The following WDPCP variants were observed in gnomAD, a reference collection of about 807,000 sequenced individuals.
The protein encoded by WDPCP is WD repeat containing planar cell polarity effector.
WDPCP carries 71 observed loss-of-function variants against 93.1 expected under a neutral mutation model. The ratio of observed to expected loss-of-function variants is 0.76; its 90% CI spans 0.63 to 0.93. WDPCP has a LOEUF of 0.93. WDPCP is among the 40% of genes least tolerant of loss of function. The pLI is 0.00. For synonymous variants in WDPCP, 315 were observed against 315.0 expected, an observed-to-expected ratio of 1.00 and a Z score of 0.00; for missense variants, 844 against 887.4, an observed-to-expected ratio of 0.95 and a Z score of 0.62.
intron 15 of WDPCP, among the ~76,000 whole-genome samples, chr2:63,156,927 G>A (rs1209756920): frequency 6.6e-6 from 1 of 151,846 alleles, no homozygotes; most frequent in Non-Finnish European, 1.5e-5. Context: ...CCAATCTTAG[G>A]AGGAGAACAT....
At chr2:63,594,010 C>T (rs1709254338) in intron 3 of WDPCP, among the ~76,000 whole-genome samples, 1 of 152,168 alleles carries the variant, frequency 6.6e-6, no homozygotes, top group Admixed American at 6.5e-5. Context: ...TTTTCCTCCT[C>T]CAGACAAAGT....
chr2:63,369,092 GA>G (rs952103590), intron 12 of WDPCP: 1,356 of 184,230 alleles, frequency 7.4e-3, no homozygotes, highest in South Asian at 0.015. Context: ...CTACATAGTA[GA>G]AAAAAAAAAA....
chr2:63,326,046 A>G (rs993190004), intron 12 of WDPCP, among the ~76,000 whole-genome samples: 8 of 152,248 alleles, frequency 5.3e-5, no homozygotes, highest in African/African-American at 1.9e-4. Context: ...AGAGGCTATC[A>G]AAATAATACA....
At chr2:63,397,046 AG>A (rs1411443053) in intron 10 of WDPCP, among the ~76,000 whole-genome samples, 1 of 152,206 alleles carries the variant, frequency 6.6e-6, no homozygotes, top group Non-Finnish European at 1.5e-5. Flanking sequence ...AAGGATCACT[AG>A]GATAGCACTC....
At chr2:63,235,662 G>A (rs533286123) in intron 14 of WDPCP, among the ~76,000 whole-genome samples, 1 of 151,912 alleles carries the variant, frequency 6.6e-6, no homozygotes, top group Admixed American at 6.6e-5. Context: ...GATCAAGCAG[G>A]CTTTATTTCT....
intron 15 of WDPCP, among the ~76,000 whole-genome samples, chr2:63,166,783 C>T (rs1373046626): frequency 6.6e-6 from 1 of 152,058 alleles, no homozygotes; most frequent in Non-Finnish European, 1.5e-5. Flanking sequence ...TTATCATTTC[C>T]TTGTGTTACA....
At chr2:63,660,662 T>C (rs903746193) in intron 2 of WDPCP, among the ~76,000 whole-genome samples, 5 of 152,208 alleles carry the variant, frequency 3.3e-5, no homozygotes, top group Non-Finnish European at 7.3e-5. Flanking sequence ...GCTCCTTGAA[T>C]AGTCCCAAAA....
intron 6 of WDPCP, among the ~76,000 whole-genome samples, chr2:63,479,238 A>C (rs1700134445): frequency 6.6e-6 from 1 of 152,150 alleles, no homozygotes; most frequent in African/African-American, 2.4e-5. Context: ...AGACAAATTC[A>C]CAGCTGAATT....
intron 3 of WDPCP, among the ~76,000 whole-genome samples, chr2:63,647,312 A>G (rs1385470316): frequency 6.6e-6 from 1 of 151,954 alleles, no homozygotes; most frequent in Non-Finnish European, 1.5e-5. Flanking sequence ...TAATTTTTGT[A>G]TTTTTAGTAG....
chr2:63,251,484 AC>A (rs1048816472), intron 14 of WDPCP, among the ~76,000 whole-genome samples: 5 of 122,046 alleles, frequency 4.1e-5, no homozygotes, highest in South Asian at 2.6e-4. Context: ...TAAAAAGCCT[AC>A]CTTTTTTTTT....
intron 3 of WDPCP, among the ~76,000 whole-genome samples, chr2:63,628,060 G>C (rs986767509): frequency 3.3e-5 from 5 of 152,192 alleles, no homozygotes; most frequent in Admixed American, 6.5e-5. Context: ...GAGGACTCCT[G>C]GCACCCGCCC....
chr2:63,765,301 G>T (rs1475347171), intron 2 of WDPCP, among the ~76,000 whole-genome samples: 1 of 152,144 alleles, frequency 6.6e-6, no homozygotes, highest in Admixed American at 6.6e-5. Context: ...GGTGGGGGCA[G>T]TAGGCACAGT....
chr2:63,726,873 C>A (rs892837586), intron 2 of WDPCP, among the ~76,000 whole-genome samples: 2 of 152,126 alleles, frequency 1.3e-5, no homozygotes, highest in African/African-American at 4.8e-5. Flanking sequence ...CACAGAAATA[C>A]TATTGATTTT....
At chr2:63,529,187 C>G (rs1356920323) in intron 1 of WDPCP, among the ~76,000 whole-genome samples, 1 of 152,128 alleles carries the variant, frequency 6.6e-6, no homozygotes, top group East Asian at 1.9e-4. Context: ...TCCTCTTTTC[C>G]TAATTGAATA....
Position 63,338,904 on chromosome 2 carries a change from T to G in WDPCP, c.1749-25593A>C, listed in dbSNP as rs185172050. ...TATAAATTTTATAGTTTTTTTTCTATTTTTGTGAAAAATGTCATTGGTATT... is the reference window on the plus strand; with the variant it reads ...TATAAATTTTATAGTTTTTTTTCTAGTTTTGTGAAAAATGTCATTGGTATT... On this transcript the variant is annotated intron_variant, in intron 12 of 17. Coordinates refer to ENST00000272321, the MANE Select transcript of WDPCP (RefSeq NM_015910.7). Among the ~76,000 whole-genome samples the G allele has an allele frequency of 4.8e-3, 732 of 152,048 alleles. 5 individuals are homozygous for G. Among genetic ancestry groups the G allele is most frequent in the Middle Eastern group, 0.01 (3 of 294 alleles).
chr2:63,460,453 T>C (rs556809808), intron 6 of WDPCP, among the ~76,000 whole-genome samples: 9 of 152,140 alleles, frequency 5.9e-5, no homozygotes, highest in Admixed American at 2.0e-4. Flanking sequence ...TATGTATATT[T>C]CAAAATAATT....
At position 63,404,357 on chromosome 2, in the gene WDPCP, T is replaced by A. The variant is rs1462024913; in HGVS notation, c.1126A>T (p.Thr376Ser). 1 of 1,614,022 alleles carries A rather than the reference T, an allele frequency of 6.2e-7. No individual in the cohort carries two copies. The highest frequency in any genetic ancestry group is 8.5e-7 in the Non-Finnish European group (1 of 1,180,022). The change falls in exon 10 of 18, where the codon ACT (threonine) becomes TCT (serine). Residue 376 changes from threonine (T) to serine (S), a missense_variant. Thr to Ser is a moderately conservative substitution (Grantham distance 58). Transcript: ENST00000272321. ...CTTATTAATGAAGGCAAAAGTTCAGTCTGTGCTAAGAGAGTCACTCTACGG... is the reference window on the plus strand; with the variant it reads ...CTTATTAATGAAGGCAAAAGTTCAGACTGTGCTAAGAGAGTCACTCTACGG... ...THRRVTLLAQTELLPSLISCH... is the reference protein window; with the variant it reads ...THRRVTLLAQSELLPSLISCH...
chr2:63,418,934 C>T (rs1280220563), intron 9 of WDPCP, among the ~76,000 whole-genome samples: 3 of 152,182 alleles, frequency 2.0e-5, no homozygotes, highest in Non-Finnish European at 2.9e-5. Context: ...GACTGTTACA[C>T]AAGAAACGGA....
At chr2:63,354,714 A>ATGTGTG (rs150962868) in intron 12 of WDPCP, among the ~76,000 whole-genome samples, 24 of 149,854 alleles carry the variant, frequency 1.6e-4, no homozygotes, top group African/African-American at 5.6e-4. Context: ...GTATATATGT[A>ATGTGTG]TGTGTGTGTG....
Sources: allele counts gnomAD v4.1 joint callset (sites outside exome capture counted in the v4.1 genomes callset), GRCh38; gene constraint gnomAD v4.1.1; transcripts MANE v1.5; gene names NCBI Gene and HGNC (gene_info 2026-07-23, HGNC 2026-07-21).